Variants in PNPT1 observed in about 807,000 individuals in gnomAD.
The protein encoded by PNPT1 is polyribonucleotide nucleotidyltransferase 1, mitochondrial.
PNPT1 carries 53 observed loss-of-function variants against 119.5 expected under a neutral mutation model. That is an observed-to-expected ratio of 0.44 (90% CI 0.36 to 0.56). The LOEUF (loss-of-function observed/expected upper bound fraction) is 0.56, where lower values mean the gene tolerates loss of function less well. Among genes scored for constraint, PNPT1 ranks in the 20% least tolerant of loss-of-function variants. The pLI is 0.00. For synonymous variants in PNPT1, 357 were observed against 322.1 expected (o/e 1.11, Z -1.16); for missense variants, 948 against 938.5 (o/e 1.01, Z -0.13).
chr2:55,636,534 G>A, intron 27 of PNPT1, 142 bp from the exon 28 acceptor site: 2 of 818,500 alleles, frequency 2.4e-6, no homozygotes, highest in Non-Finnish European at 3.8e-6. Flanking sequence ...AGTGCTAAGT[G>A]GACGTATACA....
At position 55,693,700 on chromosome 2, in the gene PNPT1, C is replaced by A; in HGVS notation, c.124G>T (p.Ala42Ser). The A allele has an allele frequency of 6.2e-7, 1 of 1,614,222 alleles. No individual in the cohort carries two copies. The highest frequency in any genetic ancestry group is 8.5e-7 in the Non-Finnish European group (1 of 1,180,040). The stretch of plus-strand genomic sequence containing the variant: ...TCCACGGCCACAGCTCGAGACCCTG[C>A]GCTACTCCATAGTGCTCGCACTTGC... ...QLQVRALWSS[A>S]GSRAVAVDLG... Residue 42 changes from alanine (A) to serine (S), a missense_variant, in exon 1 of 28, where the codon GCA becomes TCA. Ala to Ser is a moderately conservative substitution (Grantham distance 99, BLOSUM62 1). Transcript: ENST00000447944.
Position 55,645,385 on chromosome 2 carries a change from G to A in PNPT1, c.1786C>T (p.Pro596Ser), listed in dbSNP as rs1695957320. Residue 596 changes from proline to serine, a missense_variant, in exon 22 of 28, where the codon CCT (proline) becomes TCT (serine). Transcript: ENST00000447944. ...LQIMNKTISK[P>S]RASRKENGPV... ...CCATTTTCTTTTCTAGATGCTCGAG[G>A]TTTTGAAATAGTTTTGTTCATGATC... The A allele has an allele frequency of 1.9e-6, 3 of 1,612,230 alleles. No individual in the cohort carries two copies. Among genetic ancestry groups the A allele is most frequent in the Admixed American group, 1.7e-5 (1 of 59,918 alleles).
intron 18 of PNPT1, among the ~76,000 whole-genome samples, chr2:55,653,673 T>C (rs911580862): frequency 6.6e-6 from 1 of 152,250 alleles, no homozygotes; most frequent in African/African-American, 2.4e-5. Flanking sequence ...CTACCTTAAA[T>C]ATCAGATTAT....
chr2:55,650,779 C>T (rs1292287323), intron 18 of PNPT1, among the ~76,000 whole-genome samples: 33 of 149,158 alleles, frequency 2.2e-4, no homozygotes, highest in South Asian at 1.3e-3. Flanking sequence ...AGTGAGGAGC[C>T]CCTCCGCCCG....
chr2:55,676,496 T>C (rs557809622), intron 8 of PNPT1, among the ~76,000 whole-genome samples: 15 of 152,294 alleles, frequency 9.8e-5, no homozygotes, highest in East Asian at 3.9e-4. Flanking sequence ...GTTCAGAATG[T>C]TGGTGTTGAA....
intron 18 of PNPT1, among the ~76,000 whole-genome samples, chr2:55,649,979 G>GT (rs1479283929): frequency 2.0e-5 from 3 of 152,158 alleles, no homozygotes; most frequent in African/African-American, 7.2e-5. Context: ...ACTCCTTAGC[G>GT]TAACAATAAC....
At chr2:55,683,651 A>C (rs536224905) in intron 5 of PNPT1, 134 bp downstream of exon 5, 2 of 830,576 alleles carry the variant, frequency 2.4e-6, no homozygotes, top group East Asian at 2.9e-5. Flanking sequence ...TTTTTCAAAA[A>C]CGTAATGTAA....
intron 4 of PNPT1, 147 bp from the exon 5 acceptor site, chr2:55,683,981 T>A: frequency 1.5e-6 from 1 of 680,988 alleles, no homozygotes. Context: ...CAGATAAATG[T>A]CAGTGCTTCC....
At chr2:55,650,913 G>C (rs1230079705) in intron 18 of PNPT1, among the ~76,000 whole-genome samples, 2 of 145,954 alleles carry the variant, frequency 1.4e-5, no homozygotes, top group East Asian at 2.1e-4. Flanking sequence ...TCAGCCCCCC[G>C]CCCGGCCAGC....
rs556086858 is a variant in PNPT1 at position 55,638,802 on chromosome 2, T to C, written c.2149-1203A>G. 8.2e-4 allele frequency among the ~76,000 whole-genome samples: 123 copies of C among 149,578 alleles called. 1 individual carries two copies. Among genetic ancestry groups the C allele is most frequent in the Non-Finnish European group, 6.1e-4 (41 of 67,556 alleles). On this transcript the variant is annotated intron_variant, in intron 26 of 27. Transcript: ENST00000447944. ...ATCTTTTTTTTTTTTTGAGATGGAG[T>C]CTCGCTCTGTCATCCGGGCTGGAGT...
chr2:55,667,904 GCAA>G lies in PNPT1; in HGVS notation c.1028_1030del (p.Val343del). 1.9e-6 allele frequency: 3 copies of G among 1,583,522 alleles called. No individual in the cohort carries two copies. Among genetic ancestry groups the G allele is most frequent in the Non-Finnish European group, 2.6e-6 (3 of 1,172,172 alleles). Reference sequence around the variant, plus strand: ...AACAATACTTCTAAAAACTTCCTTTGCAACAACATTGAAGGATTCTATTATTTC... The same window carrying G: ...AACAATACTTCTAAAAACTTCCTTTGCAACATTGAAGGATTCTATTATTTC... On this transcript the variant is annotated inframe_deletion, in exon 12 of 28. Coordinates refer to ENST00000447944, the MANE Select transcript of PNPT1 (RefSeq NM_033109.5).
At chr2:55,667,808 G>A in intron 12 of PNPT1, 54 bp downstream of exon 12, 1 of 1,540,324 alleles carries the variant, frequency 6.5e-7, no homozygotes, top group Non-Finnish European at 8.7e-7. Flanking sequence ...CATTTTCAAG[G>A]CAACTTGCAG....
intron 15 of PNPT1, among the ~76,000 whole-genome samples, chr2:55,657,218 A>C (rs1696413290): frequency 6.6e-6 from 1 of 151,672 alleles, no homozygotes; most frequent in Non-Finnish European, 1.5e-5. Context: ...AATCCCAGCT[A>C]CTCATGAGGC....
intron 15 of PNPT1, among the ~76,000 whole-genome samples, 179 bp from the exon 16 acceptor site, chr2:55,656,550 G>C (rs1338376812): frequency 6.6e-6 from 1 of 152,038 alleles, no homozygotes; most frequent in Non-Finnish European, 1.5e-5. Context: ...CATACCAAAT[G>C]GTTAAAAGTA....
intron 13 of PNPT1, among the ~76,000 whole-genome samples, chr2:55,664,143 C>T (rs908930038): frequency 3.3e-5 from 5 of 152,176 alleles, no homozygotes; most frequent in Non-Finnish European, 5.9e-5. Context: ...TTTCTTATTA[C>T]TTCTTTAAAA....
chr2:55,684,645 G>A (rs771008860), intron 4 of PNPT1, among the ~76,000 whole-genome samples: 3 of 152,342 alleles, frequency 2.0e-5, no homozygotes, highest in African/African-American at 7.2e-5. Flanking sequence ...GTAGAGGCAT[G>A]GGCCAAAAAA....
At chr2:55,639,825 T>G (rs1355407129) in intron 26 of PNPT1, among the ~76,000 whole-genome samples, 1 of 152,146 alleles carries the variant, frequency 6.6e-6, no homozygotes, top group East Asian at 1.9e-4. Flanking sequence ...TATTAAAACA[T>G]CCAATTTTCT....
intron 23 of PNPT1, 117 bp from the exon 24 acceptor site, chr2:55,643,542 C>A: frequency 1.2e-6 from 1 of 818,732 alleles, no homozygotes; most frequent in East Asian, 2.6e-5. Context: ...CTCAGGAGTT[C>A]AAGGCCAGCC....
chr2:55,693,746 C>G lies in PNPT1; in HGVS notation c.78G>C (p.Arg26=). The part of the protein sequence containing the change: ...LSDGPFLLPR[R]DRALTQLQVR... ...CTTGCAACTGGGTGAGTGCCCGATC[C>G]CGCCGTGGCAGAAGGAAAGGACCAT... Residue 26 remains arginine, a synonymous_variant, in exon 1 of 28, where the codon CGG becomes CGC. Coordinates refer to ENST00000447944, the MANE Select transcript of PNPT1 (RefSeq NM_033109.5). 1 of 1,614,186 alleles carries G rather than the reference C, an allele frequency of 6.2e-7. No individual in the cohort carries two copies. Among genetic ancestry groups the G allele is most frequent in the Non-Finnish European group, 8.5e-7 (1 of 1,180,038 alleles).
Sources: gnomAD v4.1 joint callset for allele counts (sites outside exome capture counted in the v4.1 genomes callset) on GRCh38, gnomAD v4.1.1 for gene constraint, MANE v1.5 for transcripts, NCBI Gene and HGNC (gene_info 2026-07-23, HGNC 2026-07-21) for gene names.